The following AGBL4 variants were observed in gnomAD, a reference collection of about 807,000 sequenced individuals.
AGBL4 encodes AGBL carboxypeptidase 4.
In AGBL4, 58 loss-of-function variants were observed where a neutral mutation model predicts 66.4. That is an observed-to-expected ratio of 0.87 (90% CI 0.71 to 1.09). The LOEUF is 1.09. AGBL4 is among the 50% of genes least tolerant of loss of function. The pLI is 0.00. For missense variants in AGBL4, 579 were observed against 631.0 expected (o/e 0.92, Z 0.88); for synonymous variants, 234 against 222.9 (o/e 1.05, Z -0.44).
At chr1:48,908,162 C>G (rs1199770575) in intron 5 of AGBL4, among the ~76,000 whole-genome samples, 1 of 152,152 alleles carries the variant, frequency 6.6e-6, no homozygotes, top group East Asian at 1.9e-4. Flanking sequence ...TGTAAGAGAA[C>G]AGCTCTCAAC....
intron 1 of AGBL4, among the ~76,000 whole-genome samples, chr1:49,876,950 C>A (rs1174811374): frequency 1.3e-5 from 2 of 150,744 alleles, no homozygotes; most frequent in African/African-American, 4.9e-5. Flanking sequence ...CATTATTTGG[C>A]TCTCTGTTTG....
intron 1 of AGBL4, among the ~76,000 whole-genome samples, chr1:49,858,939 C>G (rs1646498265): frequency 6.9e-6 from 1 of 145,130 alleles, no homozygotes; most frequent in South Asian, 2.3e-4. Flanking sequence ...TCACTTGAAT[C>G]TGGGAGGCAG....
intron 1 of AGBL4, among the ~76,000 whole-genome samples, chr1:50,010,469 AAC>A (rs113933841): frequency 1.4e-4 from 21 of 149,036 alleles, no homozygotes; most frequent in South Asian, 4.3e-4. Flanking sequence ...AGGAACCACA[AAC>A]ACACACACAC....
intron 5 of AGBL4, among the ~76,000 whole-genome samples, chr1:48,884,011 T>C (rs1650047181): frequency 6.6e-6 from 1 of 152,220 alleles, no homozygotes; most frequent in Non-Finnish European, 1.5e-5. Flanking sequence ...TCAGAGGGCC[T>C]TCCTGCTCCT....
intron 1 of AGBL4, among the ~76,000 whole-genome samples, chr1:49,998,916 C>A (rs1660551846): frequency 6.6e-6 from 1 of 151,944 alleles, no homozygotes; most frequent in Non-Finnish European, 1.5e-5. Context: ...GCAAAATCGC[C>A]ATGGAAGGGA....
chr1:49,557,455 G>A (rs757726653), intron 3 of AGBL4, among the ~76,000 whole-genome samples: 21 of 152,150 alleles, frequency 1.4e-4, no homozygotes, highest in Non-Finnish European at 1.5e-4. Context: ...ATAATTCAGA[G>A]TGTCTCTGGG....
At chr1:49,644,497 A>G (rs1038102731) in intron 3 of AGBL4, among the ~76,000 whole-genome samples, 73 of 151,618 alleles carry the variant, frequency 4.8e-4, no homozygotes, top group African/African-American at 1.8e-3. Flanking sequence ...AGAAAGCAGG[A>G]ATGTCTATAT....
chr1:48,596,271 A>G (rs1644992766), intron 9 of AGBL4, among the ~76,000 whole-genome samples: 1 of 152,138 alleles, frequency 6.6e-6, no homozygotes, highest in Non-Finnish European at 1.5e-5. Context: ...GGGATCTGTG[A>G]CTGAGATTAT....
At chr1:48,679,387 G>A (rs1047814703) in intron 6 of AGBL4, among the ~76,000 whole-genome samples, 7 of 152,124 alleles carry the variant, frequency 4.6e-5, no homozygotes, top group Non-Finnish European at 7.4e-5. Flanking sequence ...CTGTTACTGG[G>A]GTGTCAGAGA....
At chr1:49,145,722 G>C (rs905788513) in intron 4 of AGBL4, among the ~76,000 whole-genome samples, 1 of 152,046 alleles carries the variant, frequency 6.6e-6, no homozygotes, top group South Asian at 2.1e-4. Flanking sequence ...TAAAAATAGA[G>C]CTATCATAAG....
At chr1:49,452,744 C>T (rs533321154) in intron 3 of AGBL4, among the ~76,000 whole-genome samples, 2 of 151,936 alleles carry the variant, frequency 1.3e-5, no homozygotes, top group Non-Finnish European at 2.9e-5. Flanking sequence ...TATGAGCTCT[C>T]TGACTATAGA....
At chr1:48,976,959 C>G (rs1360843219) in intron 5 of AGBL4, among the ~76,000 whole-genome samples, 2 of 152,024 alleles carry the variant, frequency 1.3e-5, no homozygotes, top group Non-Finnish European at 2.9e-5. Flanking sequence ...TTATTGTCTC[C>G]CCATTAGAAA....
intron 5 of AGBL4, among the ~76,000 whole-genome samples, chr1:48,988,846 G>A (rs534637026): frequency 3.3e-5 from 5 of 152,164 alleles, no homozygotes; most frequent in African/African-American, 9.7e-5. Context: ...TCAATGACCT[G>A]AGAGGTCAGC....
chr1:49,132,347 A>T (rs1645916672), intron 4 of AGBL4, among the ~76,000 whole-genome samples: 1 of 152,118 alleles, frequency 6.6e-6, no homozygotes, highest in Non-Finnish European at 1.5e-5. Context: ...TGTAGAAAGG[A>T]AAAAAGAAAA....
At chr1:48,599,453 C>T (rs376113901) in intron 9 of AGBL4, among the ~76,000 whole-genome samples, 5 of 152,144 alleles carry the variant, frequency 3.3e-5, no homozygotes, top group African/African-American at 1.2e-4. Context: ...GTGATGTCAC[C>T]AGGTGACAGG....
chr1:49,658,568 T>C (rs560143200), intron 3 of AGBL4, among the ~76,000 whole-genome samples: 177 of 152,302 alleles, frequency 1.2e-3, no homozygotes, highest in African/African-American at 4.1e-3. Context: ...CATATGTTTA[T>C]TGTGGCACTA....
At chr1:48,954,879 C>A (rs1252646672) in intron 5 of AGBL4, among the ~76,000 whole-genome samples, 1 of 152,112 alleles carries the variant, frequency 6.6e-6, no homozygotes, top group Non-Finnish European at 1.5e-5. Flanking sequence ...ATAAAGACAG[C>A]ACTGACCTCA....
At chr1:49,679,927 G>GA (rs1646655743) in intron 3 of AGBL4, among the ~76,000 whole-genome samples, 1 of 151,800 alleles carries the variant, frequency 6.6e-6, no homozygotes, top group African/African-American at 2.4e-5. Flanking sequence ...AACTGCATTA[G>GA]ATGCTGTTCT....
chr1:49,016,249 G>A (rs1662816810), intron 5 of AGBL4, among the ~76,000 whole-genome samples: 1 of 152,182 alleles, frequency 6.6e-6, no homozygotes, highest in Non-Finnish European at 1.5e-5. Flanking sequence ...TGCCAGTGGG[G>A]CTGTCCAGAG....
Sources: gnomAD v4.1 joint callset for allele counts (sites outside exome capture counted in the v4.1 genomes callset) on GRCh38, gnomAD v4.1.1 for gene constraint, MANE v1.5 for transcripts, NCBI Gene and HGNC (gene_info 2026-07-23, HGNC 2026-07-21) for gene names.